MIGA1: variants seen among roughly 807,000 people sequenced by gnomAD.
The protein encoded by MIGA1 is family with sequence similarity 73, member A.
A neutral mutation model predicts 82.0 loss-of-function variants in MIGA1; 58 were observed. The ratio of observed to expected loss-of-function variants is 0.71; its 90% CI spans 0.57 to 0.88. The LOEUF (loss-of-function observed/expected upper bound fraction) is 0.88, where lower values mean the gene tolerates loss of function less well. Ranked by LOEUF, MIGA1 falls within the 40% of genes least tolerant of loss-of-function variation. The probability of loss-of-function intolerance (pLI) is 0.00; values close to 1 mark genes in which losing one functional copy is unlikely to be tolerated. For synonymous variants in MIGA1, 249 were observed against 253.6 expected (o/e 0.98, Z 0.17); for missense variants, 751 against 749.1 (o/e 1.00, Z -0.03).
chr1:77,813,256 A>G (rs1330622589), intron 5 of MIGA1, among the ~76,000 whole-genome samples: 2 of 152,252 alleles, frequency 1.3e-5, no homozygotes, highest in Middle Eastern at 3.4e-3. Context: ...TGCTGGGATT[A>G]CAGTCATGAG....
rs1170657797 is a variant in MIGA1 at position 77,878,394 on chromosome 1, C to CAAAAAAAAAAAAAAAAAAAAAAAA, written c.*3334_*3357dup. ...GGGCAACAAGAGTAAAACTCTGTCT[C>CAAAAAAAAAAAAAAAAAAAAAAAA]AAAAAAAAAAAAAAAAAAAAAAAAA... On this transcript the variant is annotated 3_prime_UTR_variant, in exon 16 of 16. Transcript: ENST00000370791. The CAAAAAAAAAAAAAAAAAAAAAAAA allele has an allele frequency of 2.8e-5, 1 of 35,578 alleles. No homozygotes were observed. Among genetic ancestry groups the CAAAAAAAAAAAAAAAAAAAAAAAA allele is most frequent in the African/African-American group, 1.1e-4 (1 of 9,312 alleles). 2.2% of individuals were successfully genotyped at this position (35,578 alleles called of 1,614,324 possible).
chr1:77,859,021 A>C lies in MIGA1; in HGVS notation c.1080A>C (p.Leu360Phe), dbSNP rs749649985. 23 of 1,613,412 alleles carry C rather than the reference A, an allele frequency of 1.4e-5. No homozygotes were observed. Among genetic ancestry groups the C allele is most frequent in the Non-Finnish European group, 1.7e-5 (20 of 1,179,350 alleles). The change falls in exon 9 of 16, where the codon TTA (leucine) becomes TTC (phenylalanine). Residue 360 changes from leucine (L) to phenylalanine (F), a missense_variant. Physicochemically the swap from Leu to Phe is conservative, Grantham distance 22 (BLOSUM62 0). This residue lies in a region of MIGA1 where 482 missense variants were observed against 439.4 expected (regional missense o/e 1.10). Coordinates refer to ENST00000370791, the MANE Select transcript of MIGA1 (RefSeq NM_198549.4). The stretch of plus-strand genomic sequence containing the variant: ...CATTTTACGAGGAAGCCATGCATTT[A>C]GTTGAAGAAGGAAAAATTTACTCCA...
intron 11 of MIGA1, chr1:77,860,667 AT>A (rs1685426389): frequency 6.5e-6 from 1 of 152,864 alleles, no homozygotes; most frequent in Non-Finnish European, 1.5e-5. Context: ...TTGAACTTTA[AT>A]TCTTTCATTT....
intron 5 of MIGA1, among the ~76,000 whole-genome samples, chr1:77,809,631 T>C (rs569825008): frequency 2.0e-4 from 30 of 152,222 alleles, no homozygotes; most frequent in African/African-American, 7.2e-4. Context: ...TGTGTTCATA[T>C]GTTCAGCCAA....
chr1:77,848,942 C>CA (rs1684942598), intron 8 of MIGA1: 1 of 407,772 alleles, frequency 2.5e-6, no homozygotes, highest in African/African-American at 2.1e-5. Context: ...AGGTTAAAAT[C>CA]AAAAGTCAGT....
rs1347365679 is a variant in MIGA1 at position 77,843,404 on chromosome 1, A to C, written c.993A>C (p.Ala331=). Residue 331 remains alanine, a synonymous_variant, in exon 8 of 16, where the codon GCA becomes GCC. Coordinates refer to ENST00000370791, the MANE Select transcript of MIGA1 (RefSeq NM_198549.4). The stretch of plus-strand genomic sequence containing the variant: ...CCACGGATTCCTTTGCTTCCGCAGC[A>C]GAGGTAGGACATATGTGTTCCTAAT... The C allele has an allele frequency of 6.2e-7, 1 of 1,613,118 alleles. No individual in the cohort carries two copies. The highest frequency in any genetic ancestry group is 2.2e-5 in the East Asian group (1 of 44,874).
chr1:77,809,315 A>G (rs894241234), intron 5 of MIGA1, among the ~76,000 whole-genome samples: 2 of 152,176 alleles, frequency 1.3e-5, no homozygotes, highest in Non-Finnish European at 2.9e-5. Context: ...AAGATTGGTG[A>G]CATATGTTTG....
intron 12 of MIGA1, among the ~76,000 whole-genome samples, chr1:77,862,476 G>A (rs1303790877): frequency 6.6e-6 from 1 of 150,854 alleles, no homozygotes; most frequent in Non-Finnish European, 1.5e-5. Context: ...ATATCGGTCC[G>A]GCATGGTGGC....
Position 77,779,710 on chromosome 1 carries a change from C to A in MIGA1, c.55C>A (p.Pro19Thr), listed in dbSNP as rs1322785081. The A allele has an allele frequency of 3.2e-6, 5 of 1,586,068 alleles. No homozygotes were observed. The highest frequency in any genetic ancestry group is 4.3e-6 in the Non-Finnish European group (5 of 1,166,428). Residue 19 changes from proline (P) to threonine (T), a missense_variant, in exon 1 of 16, where the codon CCA becomes ACA. Physicochemically the swap from Pro to Thr is conservative, Grantham distance 38 (BLOSUM62 -1). Coordinates refer to ENST00000370791, the MANE Select transcript of MIGA1 (RefSeq NM_198549.4). ...CAGCTGGGAAGCTGGCGTGGGCAGGCCAGCTGTACCTGGCCTGGAGCTCCA... is the reference window on the plus strand; with the variant it reads ...CAGCTGGGAAGCTGGCGTGGGCAGGACAGCTGTACCTGGCCTGGAGCTCCA...
At chr1:77,788,072 C>T (rs933755003) in intron 2 of MIGA1, among the ~76,000 whole-genome samples, 19 of 151,410 alleles carry the variant, frequency 1.3e-4, no homozygotes, top group East Asian at 5.8e-4. Flanking sequence ...CTGCAACCTC[C>T]GCTCACTGCA....
chr1:77,806,988 A>G lies in MIGA1; in HGVS notation c.524A>G (p.Asn175Ser), dbSNP rs1683124258. The G allele has an allele frequency of 2.5e-6, 4 of 1,611,954 alleles. No individual in the cohort carries two copies. Among genetic ancestry groups the G allele is most frequent in the Non-Finnish European group, 3.4e-6 (4 of 1,178,628 alleles). ...TCTTAATTTTAGGTCCAGAGTGTCA[A>G]TTCTTGTCATAGCTGCGCTTGTGGC... is the stretch of plus-strand genomic sequence containing the variant. The change falls in exon 5 of 16, where the codon AAT (asparagine) becomes AGT (serine). Residue 175 changes from asparagine (N) to serine (S), a missense_variant. Physicochemically the swap from Asn to Ser is conservative, Grantham distance 46. Coordinates refer to ENST00000370791, the MANE Select transcript of MIGA1 (RefSeq NM_198549.4).
At chr1:77,871,331 G>A (rs1316504233) in intron 14 of MIGA1, among the ~76,000 whole-genome samples, 5 of 151,972 alleles carry the variant, frequency 3.3e-5, no homozygotes, top group African/African-American at 9.7e-5. Context: ...GCGAAACCCC[G>A]TCTCTACTAA....
intron 14 of MIGA1, among the ~76,000 whole-genome samples, chr1:77,869,304 T>C (rs1011331279): frequency 8.4e-5 from 12 of 143,354 alleles, no homozygotes; most frequent in African/African-American, 3.1e-4. Context: ...GAATTTTTCT[T>C]AGTACAGAAC....
chr1:77,779,892 C>CAG, intron 1 of MIGA1, 156 bp downstream of exon 1: 2 of 1,423,758 alleles, frequency 1.4e-6, no homozygotes, highest in African/African-American at 2.9e-5. Flanking sequence ...GGCGGAAAGC[C>CAG]AGAGGGTCTA....
chr1:77,848,652 G>C (rs1684932344), intron 8 of MIGA1: 2 of 1,571,032 alleles, frequency 1.3e-6, no homozygotes, highest in East Asian at 2.2e-5. Flanking sequence ...GGCAAGAGAA[G>C]GGTAAAGAAC....
intron 7 of MIGA1, among the ~76,000 whole-genome samples, chr1:77,826,005 A>C (rs765870192): frequency 1.3e-5 from 2 of 152,222 alleles, no homozygotes; most frequent in Admixed American, 6.5e-5. Flanking sequence ...GTGAGATTAC[A>C]TAACATATTT....
At chr1:77,779,785 G>A (rs1259590961) in intron 1 of MIGA1, 49 bp downstream of exon 1, 2 of 1,515,106 alleles carry the variant, frequency 1.3e-6, no homozygotes, top group Admixed American at 2.1e-5. Context: ...GGGAGGAAGC[G>A]GAGAGTTGAG....
chr1:77,782,202 C>G (rs1002050520), intron 1 of MIGA1, among the ~76,000 whole-genome samples: 2 of 152,126 alleles, frequency 1.3e-5, no homozygotes, highest in African/African-American at 4.8e-5. Flanking sequence ...TAATATACAG[C>G]ACTACCCAAA....
chr1:77,850,230 C>G (rs1158818192), intron 8 of MIGA1, among the ~76,000 whole-genome samples: 1 of 152,098 alleles, frequency 6.6e-6, no homozygotes, highest in Non-Finnish European at 1.5e-5. Context: ...GGGAGTGACC[C>G]AAGAGAGGGC....
Sources: allele counts gnomAD v4.1 joint callset (sites outside exome capture counted in the v4.1 genomes callset), GRCh38; gene constraint gnomAD v4.1.1; regional missense constraint gnomAD v4.1.1; transcripts MANE v1.5; gene names NCBI Gene and HGNC (gene_info 2026-07-23, HGNC 2026-07-21).